The following PHACTR4 variants were observed in gnomAD, a reference collection of about 807,000 sequenced individuals.
PHACTR4 encodes phosphatase and actin regulator 4.
PHACTR4 carries 51 observed loss-of-function variants against 72.7 expected under a neutral mutation model. The observed-to-expected ratio is 0.70, with a 90% CI of 0.56 to 0.89. The LOEUF is 0.89. Ranked by LOEUF, PHACTR4 falls within the 40% of genes least tolerant of loss-of-function variation. The pLI is 0.00. For synonymous variants in PHACTR4, 255 were observed against 302.5 expected, an observed-to-expected ratio of 0.84 and a Z score of 1.63; for missense variants, 731 against 861.8, an observed-to-expected ratio of 0.85 and a Z score of 1.90.
At chr1:28,482,201 T>C (rs1240109715) in intron 9 of PHACTR4, among the ~76,000 whole-genome samples, 1 of 152,158 alleles carries the variant, frequency 6.6e-6, no homozygotes, top group Admixed American at 6.6e-5. Flanking sequence ...CTGGCCAGCC[T>C]GTGAGAGCTT....
intron 6 of PHACTR4, among the ~76,000 whole-genome samples, chr1:28,470,826 C>T (rs185479639): frequency 4.5e-4 from 68 of 152,070 alleles, no homozygotes; most frequent in Non-Finnish European, 8.4e-4. Flanking sequence ...GACCTCAAGA[C>T]CAGCCTGGGC....
chr1:28,461,037 A>G (rs945214557), intron 4 of PHACTR4, among the ~76,000 whole-genome samples: 2 of 152,174 alleles, frequency 1.3e-5, no homozygotes, highest in East Asian at 1.9e-4. Flanking sequence ...ACTTTCTTCA[A>G]TGTGTGACTC....
At chr1:28,380,936 C>T (rs1466585878) in intron 1 of PHACTR4, among the ~76,000 whole-genome samples, 2 of 152,000 alleles carry the variant, frequency 1.3e-5, no homozygotes, top group South Asian at 2.1e-4. Flanking sequence ...AATAGTTGAA[C>T]TAATTTATAC....
At chr1:28,415,002 C>T (rs1001600477) in intron 2 of PHACTR4, among the ~76,000 whole-genome samples, 2 of 151,992 alleles carry the variant, frequency 1.3e-5, no homozygotes, top group Non-Finnish European at 2.9e-5. Context: ...GGCTCACCCC[C>T]GTAATCCTAG....
At chr1:28,381,353 C>T (rs1288356183) in intron 1 of PHACTR4, among the ~76,000 whole-genome samples, 2 of 133,330 alleles carry the variant, frequency 1.5e-5, no homozygotes, top group East Asian at 4.6e-4. Flanking sequence ...GGCTGGAGTG[C>T]AGTGGCGTGA....
At chr1:28,380,692 G>A (rs1171672463) in intron 1 of PHACTR4, among the ~76,000 whole-genome samples, 1 of 152,138 alleles carries the variant, frequency 6.6e-6, no homozygotes, top group Admixed American at 6.5e-5. Flanking sequence ...TTTTATGGTG[G>A]CATAGTATTG....
chr1:28,381,290 A>G lies in PHACTR4; in HGVS notation c.-39+11465A>G, dbSNP rs1454558170. On this transcript the variant is annotated intron_variant, in intron 1 of 13. Coordinates refer to ENST00000373839, the MANE Select transcript of PHACTR4 (RefSeq NM_001048183.3). Reference sequence around the variant, plus strand: ...AGTGCTGAGATTACAGCCGTGAGCCACTGCGCCTGGCCTTTTTTTTTTTTT... The same window carrying G: ...AGTGCTGAGATTACAGCCGTGAGCCGCTGCGCCTGGCCTTTTTTTTTTTTT... 2.3e-5 allele frequency among the ~76,000 whole-genome samples: 3 copies of G among 131,356 alleles called. No individual in the cohort carries two copies. In the East Asian group the frequency reaches 6.8e-4, roughly 30 times the overall value. 86.2% of individuals were successfully genotyped at this position (131,356 alleles called of 152,430 possible).
In PHACTR4 at chr1:28,371,200, ACTT is replaced by A. The variant is rs565236348; in HGVS notation, c.-39+1379_-39+1381del. 1.2e-4 allele frequency among the ~76,000 whole-genome samples: 19 copies of A among 152,290 alleles called. No homozygotes were observed. The East Asian group carries it at 3.7e-3, about 29-fold the overall frequency. ...AGCTCCTAGTTCACTGTAGCCTCGA[ACTT>A]CTTGGCTTAAGCCATCCTTCCACCA... On this transcript the variant is annotated intron_variant, in intron 1 of 13. Transcript: ENST00000373839.
In PHACTR4 at chr1:28,500,197, T is replaced by TCATA. The variant is rs1298445061; in HGVS notation, c.*3648_*3649insCATA. 6.6e-6 allele frequency: 1 copy of TCATA among 152,154 alleles called. No individual in the cohort carries two copies. The highest frequency in any genetic ancestry group is 1.5e-5 in the Non-Finnish European group (1 of 68,032). 9.4% of individuals were successfully genotyped at this position (152,154 alleles called of 1,614,324 possible). A position where few individuals can be genotyped will look rare whatever the true frequency, so the allele number is the denominator to read the frequency against. Reference sequence around the variant, plus strand: ...CCCTTTCCATGTAAGTACCAACTTATATGGAAACTCACAATCATAATGTAA... The same window carrying TCATA: ...CCCTTTCCATGTAAGTACCAACTTATCATAATGGAAACTCACAATCATAATGTAA... On this transcript the variant is annotated 3_prime_UTR_variant, in exon 14 of 14. Transcript: ENST00000373839.
At chr1:28,405,752 A>C (rs4908423) in intron 1 of PHACTR4, among the ~76,000 whole-genome samples, 3 of 151,622 alleles carry the variant, frequency 2.0e-5, no homozygotes, top group Admixed American at 2.0e-4. Flanking sequence ...TTAGCTGGGC[A>C]TGGTGGCAGG....
chr1:28,487,243 A>G (rs571211946), intron 9 of PHACTR4, among the ~76,000 whole-genome samples: 55 of 151,458 alleles, frequency 3.6e-4, no homozygotes, highest in African/African-American at 1.3e-3. Flanking sequence ...GCACGCGCCT[A>G]TAGTCCCAGC....
chr1:28,382,449 G>A (rs972829512), intron 1 of PHACTR4, among the ~76,000 whole-genome samples: 3 of 151,036 alleles, frequency 2.0e-5, no homozygotes, highest in Admixed American at 6.6e-5. Flanking sequence ...GACTACAGGC[G>A]CATGCCACCA....
At chr1:28,490,825 A>G (rs1660991199) in intron 10 of PHACTR4, 126 bp from the exon 11 acceptor site, 2 of 973,528 alleles carry the variant, frequency 2.1e-6, no homozygotes, top group South Asian at 1.5e-5. Flanking sequence ...CCTGGGCAAC[A>G]AGAGCAAAAC....
At chr1:28,465,117 A>G (rs539899362) in intron 4 of PHACTR4, among the ~76,000 whole-genome samples, 4 of 152,304 alleles carry the variant, frequency 2.6e-5, no homozygotes, top group Admixed American at 2.0e-4. Flanking sequence ...CTAGATCTCA[A>G]TAATAAACTA....
chr1:28,424,605 C>T (rs1655715369), intron 2 of PHACTR4, among the ~76,000 whole-genome samples: 2 of 152,194 alleles, frequency 1.3e-5, no homozygotes, highest in South Asian at 2.1e-4. Flanking sequence ...TCTCCTGCCT[C>T]AGCCTCCCAA....
chr1:28,469,080 A>G (rs142597365), intron 6 of PHACTR4, among the ~76,000 whole-genome samples: 240 of 152,322 alleles, frequency 1.6e-3, no homozygotes, highest in African/African-American at 5.5e-3. Context: ...CATTTCTTAG[A>G]GCTAAATAGA....
At chr1:28,495,089 A>G (rs1661265189) in intron 13 of PHACTR4, among the ~76,000 whole-genome samples, 1 of 152,208 alleles carries the variant, frequency 6.6e-6, no homozygotes, top group African/African-American at 2.4e-5. Flanking sequence ...ATAAAGGAGT[A>G]GTCAAAATGA....
intron 2 of PHACTR4, among the ~76,000 whole-genome samples, chr1:28,443,351 G>C (rs185289047): frequency 6.6e-6 from 1 of 151,510 alleles, no homozygotes; most frequent in Non-Finnish European, 1.5e-5. Context: ...GCGCGATCTC[G>C]GCTCACTGCA....
chr1:28,390,169 G>A (rs1652892964), intron 1 of PHACTR4, among the ~76,000 whole-genome samples: 2 of 151,984 alleles, frequency 1.3e-5, no homozygotes, highest in Admixed American at 1.3e-4. Context: ...AGGGTTTTTT[G>A]CTGCTGTGTT....
Sources: gnomAD v4.1 joint callset for allele counts (sites outside exome capture counted in the v4.1 genomes callset) on GRCh38, gnomAD v4.1.1 for gene constraint, MANE v1.5 for transcripts, NCBI Gene and HGNC (gene_info 2026-07-23, HGNC 2026-07-21) for gene names.